The following TMEM248 variants were observed in gnomAD, a reference collection of about 807,000 sequenced individuals.
The protein encoded by TMEM248 is UPF0458 protein C7orf42.
Under a neutral mutation model 30.3 loss-of-function variants are expected in TMEM248, and 9 were observed. The observed-to-expected ratio is 0.30, with a 90% confidence interval of 0.18 to 0.52. The LOEUF is 0.52. Among genes scored for constraint, TMEM248 ranks in the 20% least tolerant of loss-of-function variants. The pLI is 0.97. For synonymous variants in TMEM248, 184 were observed against 154.4 expected (o/e 1.19, Z -1.42); for missense variants, 338 against 403.3 (o/e 0.84, Z 1.39).
intron 1 of TMEM248, among the ~76,000 whole-genome samples, chr7:66,932,937 G>T (rs1432705435): frequency 2.7e-5 from 4 of 147,632 alleles, no homozygotes; most frequent in African/African-American, 9.7e-5. Flanking sequence ...CACGATCTTA[G>T]CTCAATTCAA....
intron 6 of TMEM248, among the ~76,000 whole-genome samples, chr7:66,954,537 C>G (rs903123691): frequency 1.3e-4 from 20 of 152,056 alleles, no homozygotes; most frequent in Middle Eastern, 3.4e-3. Flanking sequence ...GCTGGGACCA[C>G]AGGCATGCAT....
chr7:66,936,363 T>A (rs2129222683), intron 1 of TMEM248, among the ~76,000 whole-genome samples: 1 of 152,324 alleles, frequency 6.6e-6, no homozygotes, highest in South Asian at 2.1e-4. Flanking sequence ...TCGCTTTGAT[T>A]TATCTGCATA....
intron 2 of TMEM248, among the ~76,000 whole-genome samples, chr7:66,943,956 A>G (rs998462113): frequency 2.0e-5 from 3 of 151,800 alleles, no homozygotes; most frequent in East Asian, 3.9e-4. Context: ...CACCATGTCC[A>G]GCTAATTTTT....
chr7:66,955,413 A>T, intron 6 of TMEM248, 89 bp from the exon 7 acceptor site: 1 of 1,447,480 alleles, frequency 6.9e-7, no homozygotes, highest in Non-Finnish European at 9.6e-7. Flanking sequence ...TGATATGTGC[A>T]ATTAGTGTGG....
chr7:66,952,329 C>T (rs1469994875), intron 5 of TMEM248, among the ~76,000 whole-genome samples: 1 of 152,184 alleles, frequency 6.6e-6, no homozygotes, highest in Non-Finnish European at 1.5e-5. Context: ...CCACCTCAGC[C>T]TCCCAAAGTG....
intron 3 of TMEM248, 100 bp downstream of exon 3, chr7:66,945,361 G>T: frequency 2.3e-6 from 3 of 1,310,200 alleles, no homozygotes; most frequent in South Asian, 2.7e-5. Flanking sequence ...GTACTAGATT[G>T]TAGTCTTGCG....
intron 4 of TMEM248, among the ~76,000 whole-genome samples, chr7:66,948,974 C>T (rs953227202): frequency 2.0e-5 from 3 of 152,060 alleles, no homozygotes; most frequent in Non-Finnish European, 4.4e-5. Context: ...GGCTGTCTTT[C>T]CCGCAGGAGT....
chr7:66,950,115 A>G (rs1014326062), intron 4 of TMEM248, among the ~76,000 whole-genome samples: 6 of 151,930 alleles, frequency 3.9e-5, no homozygotes, highest in African/African-American at 1.5e-4. Context: ...AATCCCAGCT[A>G]CTTGAGAGGC....
chr7:66,937,793 C>T (rs1791843227), intron 1 of TMEM248, among the ~76,000 whole-genome samples: 1 of 152,186 alleles, frequency 6.6e-6, no homozygotes, highest in African/African-American at 2.4e-5. Context: ...TCACCACAAC[C>T]TCTGCCTCCC....
intron 1 of TMEM248, among the ~76,000 whole-genome samples, chr7:66,928,681 G>A (rs538206293): frequency 6.6e-6 from 1 of 152,274 alleles, no homozygotes; most frequent in East Asian, 1.9e-4. Context: ...CTAGTGAAAG[G>A]GGTTTTGCTT....
chr7:66,945,955 G>A (rs1279531461), intron 3 of TMEM248, among the ~76,000 whole-genome samples: 6 of 152,124 alleles, frequency 3.9e-5, no homozygotes, highest in Non-Finnish European at 8.8e-5. Context: ...GTGGTGGCAG[G>A]CACCTGTAGT....
chr7:66,954,221 G>A (rs901061837), intron 6 of TMEM248, among the ~76,000 whole-genome samples: 9 of 152,098 alleles, frequency 5.9e-5, no homozygotes, highest in African/African-American at 1.9e-4. Context: ...TGGGATCACA[G>A]GCGTGAGCCA....
intron 5 of TMEM248, 123 bp from the exon 6 acceptor site, chr7:66,953,103 A>C: frequency 9.2e-7 from 1 of 1,087,364 alleles, no homozygotes; most frequent in South Asian, 1.5e-5. Context: ...CTCCTCTTGC[A>C]GCTTAAGAAG....
chr7:66,931,032 G>A (rs982136645), intron 1 of TMEM248, among the ~76,000 whole-genome samples: 4 of 152,110 alleles, frequency 2.6e-5, no homozygotes, highest in Non-Finnish European at 4.4e-5. Flanking sequence ...GCCTGGTGTG[G>A]TGGTTTGTGC....
chr7:66,943,733 A>T (rs1248204283), intron 2 of TMEM248, among the ~76,000 whole-genome samples: 2 of 151,956 alleles, frequency 1.3e-5, no homozygotes, highest in African/African-American at 4.8e-5. Context: ...TAAATGTCAC[A>T]TACAGTTAAA....
At position 66,921,290 on chromosome 7, in the gene TMEM248, C is replaced by A. The variant is rs1409530628; in HGVS notation, c.-190C>A. The stretch of plus-strand genomic sequence containing the variant: ...GGCGGGAGCCCGGTTGGCGTCTGGT[C>A]TTCGCGTCGGCCCCGCGGAGCCAGA... On this transcript the variant is annotated 5_prime_UTR_variant, in exon 1 of 7. Coordinates refer to ENST00000341567, the MANE Select transcript of TMEM248 (RefSeq NM_017994.5). The A allele has an allele frequency of 6.6e-6, 1 of 150,516 alleles. No individual in the cohort carries two copies. Among genetic ancestry groups the A allele is most frequent in the Admixed American group, 6.6e-5 (1 of 15,138 alleles). The allele number at this position is 150,516 out of a possible 1,614,324, so 9.3% of individuals were successfully genotyped here.
At chr7:66,928,070 C>G (rs1292409395) in intron 1 of TMEM248, among the ~76,000 whole-genome samples, 2 of 152,110 alleles carry the variant, frequency 1.3e-5, no homozygotes, top group Admixed American at 6.6e-5. Flanking sequence ...CAAAAATTAG[C>G]TAGGCCTGCT....
intron 1 of TMEM248, among the ~76,000 whole-genome samples, chr7:66,938,753 G>A (rs968424003): frequency 1.3e-5 from 2 of 152,166 alleles, no homozygotes; most frequent in African/African-American, 4.8e-5. Context: ...TGATCCACCT[G>A]CCTTGGCATC....
chr7:66,953,496 G>T, intron 6 of TMEM248, 127 bp downstream of exon 6: 1 of 1,291,918 alleles, frequency 7.7e-7, no homozygotes. Context: ...GTCATCCCTT[G>T]GTATCCGAGG....
Sources: allele counts gnomAD v4.1 joint callset (sites outside exome capture counted in the v4.1 genomes callset), GRCh38; gene constraint gnomAD v4.1.1; transcripts MANE v1.5; gene names NCBI Gene and HGNC (gene_info 2026-07-23, HGNC 2026-07-21).